GRM3: variants seen among roughly 807,000 people sequenced by gnomAD.
The protein encoded by GRM3 is metabotropic glutamate receptor 3.
GRM3 carries 26 observed loss-of-function variants against 70.5 expected under a neutral mutation model. The observed-to-expected ratio is 0.37, with a 90% confidence interval of 0.27 to 0.51. GRM3 has a LOEUF of 0.51. Ranked by LOEUF, GRM3 falls within the 20% of genes least tolerant of loss-of-function variation. GRM3 has a pLI of 0.93. For missense variants in GRM3, 859 were observed against 1,123.8 expected (o/e 0.76, Z 3.37); for synonymous variants, 443 against 434.9 (o/e 1.02, Z -0.23).
intron 3 of GRM3, among the ~76,000 whole-genome samples, chr7:86,794,027 A>G (rs1351093395): frequency 6.6e-6 from 1 of 152,156 alleles, no homozygotes; most frequent in Non-Finnish European, 1.5e-5. Flanking sequence ...TTACAGGAAT[A>G]TCACTTGCAA....
At chr7:86,711,377 C>T (rs1795196440) in intron 1 of GRM3, among the ~76,000 whole-genome samples, 1 of 151,912 alleles carries the variant, frequency 6.6e-6, no homozygotes, top group African/African-American at 2.4e-5. Flanking sequence ...GCCATATTTT[C>T]CTGAATTATT....
intron 2 of GRM3, among the ~76,000 whole-genome samples, chr7:86,773,978 G>A (rs1162087025): frequency 6.6e-6 from 1 of 152,074 alleles, no homozygotes; most frequent in Non-Finnish European, 1.5e-5. Flanking sequence ...AGGTGTCTAT[G>A]ATGGAGGTCA....
intron 3 of GRM3, among the ~76,000 whole-genome samples, chr7:86,829,038 T>C (rs1798299247): frequency 6.6e-6 from 1 of 152,376 alleles, no homozygotes; most frequent in African/African-American, 2.4e-5. Context: ...CTGTTTTAGT[T>C]TGATCATTTA....
At chr7:86,667,294 A>G (rs1794052166) in intron 1 of GRM3, among the ~76,000 whole-genome samples, 1 of 152,136 alleles carries the variant, frequency 6.6e-6, no homozygotes, top group South Asian at 2.1e-4. Context: ...TCCCTAAAGC[A>G]GAGAGAAGGG....
chr7:86,757,213 A>G (rs576601933), intron 1 of GRM3, among the ~76,000 whole-genome samples: 58 of 152,240 alleles, frequency 3.8e-4, no homozygotes, highest in African/African-American at 1.3e-3. Context: ...CTGTTGTCTT[A>G]TATGTCAAGC....
chr7:86,656,742 G>A (rs1793755252), intron 1 of GRM3, among the ~76,000 whole-genome samples: 1 of 152,040 alleles, frequency 6.6e-6, no homozygotes. Flanking sequence ...TTGAATGTAT[G>A]AGTGTAATAA....
intron 1 of GRM3, among the ~76,000 whole-genome samples, chr7:86,710,566 TG>T (rs1171125332): frequency 1.2e-4 from 1 of 8,132 alleles, no homozygotes. Flanking sequence ...GTGTGTGTGG[TG>T]GGGGGTGGGG....
intron 3 of GRM3, among the ~76,000 whole-genome samples, chr7:86,788,878 A>G (rs913386051): frequency 6.6e-6 from 1 of 152,188 alleles, no homozygotes. Context: ...TTAGTATGCA[A>G]ATATACAAAT....
At chr7:86,831,409 G>A (rs560804807) in intron 3 of GRM3, among the ~76,000 whole-genome samples, 1 of 152,104 alleles carries the variant, frequency 6.6e-6, no homozygotes, top group African/African-American at 2.4e-5. Context: ...TAATGAAGAG[G>A]GCAAGAGTTG....
In GRM3 at chr7:86,839,369, T is replaced by C. The variant is rs764224760; in HGVS notation, c.1855T>C (p.Leu619=). The C allele has an allele frequency of 1.9e-6, 3 of 1,613,974 alleles. No individual in the cohort carries two copies. Among genetic ancestry groups the C allele is most frequent in the Admixed American group, 1.7e-5 (1 of 60,006 alleles). Residue 619 remains leucine, a synonymous_variant, in exon 4 of 6, where the codon TTG becomes CTG. Transcript: ENST00000361669. The surrounding 1 kb of genome is among the most constrained non-coding windows in gnomAD (Gnocchi z 4.5). ...ASGRELCYIL[L]FGVGLSYCMT... is the part of the protein sequence containing the mutation. ...GGGCCGAGAACTCTGCTACATCTTATTGTTTGGGGTTGGCCTGTCATACTG... is the reference window on the plus strand; with the variant it reads ...GGGCCGAGAACTCTGCTACATCTTACTGTTTGGGGTTGGCCTGTCATACTG...
At chr7:86,752,893 G>A (rs1796262428) in intron 1 of GRM3, among the ~76,000 whole-genome samples, 1 of 152,094 alleles carries the variant, frequency 6.6e-6, no homozygotes, top group Non-Finnish European at 1.5e-5. Context: ...GATCAAGGGA[G>A]TAAGGATGCT....
At chr7:86,857,130 G>GT (rs1798865202) in intron 5 of GRM3, among the ~76,000 whole-genome samples, 2 of 140,540 alleles carry the variant, frequency 1.4e-5, no homozygotes, top group African/African-American at 6.0e-5. Flanking sequence ...CAAATTCAAT[G>GT]GTTTTTTTTT....
intron 1 of GRM3, among the ~76,000 whole-genome samples, chr7:86,739,983 A>G (rs1338325805): frequency 1.3e-5 from 2 of 152,186 alleles, no homozygotes; most frequent in Non-Finnish European, 2.9e-5. Context: ...GCTTGTGTTA[A>G]TAAGATGTGC....
intron 1 of GRM3, among the ~76,000 whole-genome samples, chr7:86,657,247 C>T (rs1793769530): frequency 6.6e-6 from 1 of 152,192 alleles, no homozygotes; most frequent in African/African-American, 2.4e-5. Flanking sequence ...GAATAAAACA[C>T]TTTGCCTGCC....
intron 1 of GRM3, among the ~76,000 whole-genome samples, chr7:86,731,659 T>A (rs1472823848): frequency 6.6e-6 from 1 of 152,164 alleles, no homozygotes; most frequent in African/African-American, 2.4e-5. Context: ...CTCCTAGGAT[T>A]TTTGAAAATA....
At chr7:86,679,532 T>C (rs187882913) in intron 1 of GRM3, among the ~76,000 whole-genome samples, 4 of 152,142 alleles carry the variant, frequency 2.6e-5, no homozygotes, top group Admixed American at 6.6e-5. Flanking sequence ...AATCCTACTA[T>C]ACTCACATGG....
chr7:86,752,332 C>T (rs1796249900), intron 1 of GRM3, among the ~76,000 whole-genome samples: 1 of 152,066 alleles, frequency 6.6e-6, no homozygotes, highest in Non-Finnish European at 1.5e-5. Flanking sequence ...GTGTAACATA[C>T]ACATGCCATA....
At chr7:86,780,168 G>A (rs1797008268) in intron 2 of GRM3, among the ~76,000 whole-genome samples, 1 of 152,114 alleles carries the variant, frequency 6.6e-6, no homozygotes, top group South Asian at 2.1e-4. Context: ...ATTGTGAATA[G>A]TGCCGCAATA....
intron 1 of GRM3, among the ~76,000 whole-genome samples, chr7:86,756,211 T>C (rs1276162403): frequency 2.0e-5 from 3 of 152,176 alleles, no homozygotes; most frequent in African/African-American, 7.2e-5. Context: ...CCCAAGTAGC[T>C]GGGATTACAG....
Sources: gnomAD v4.1 joint callset for allele counts (sites outside exome capture counted in the v4.1 genomes callset) on GRCh38, gnomAD v4.1.1 for gene constraint, Gnocchi (gnomAD v3.1) non-coding constraint, MANE v1.5 for transcripts, NCBI Gene and HGNC (gene_info 2026-07-23, HGNC 2026-07-21) for gene names.